CSNK1G3: variants seen among roughly 807,000 people sequenced by gnomAD.
The protein encoded by CSNK1G3 is casein kinase 1 gamma 3.
A neutral mutation model predicts 64.3 loss-of-function variants in CSNK1G3; 23 were observed. The observed-to-expected ratio is 0.36, with a 90% confidence interval of 0.26 to 0.51. CSNK1G3 has a LOEUF of 0.51. CSNK1G3 is among the 20% of genes least tolerant of loss of function. CSNK1G3 has a pLI of 0.96. For missense variants in CSNK1G3, 357 were observed against 510.5 expected, an observed-to-expected ratio of 0.70 and a Z score of 2.90; for synonymous variants, 158 against 162.2, an observed-to-expected ratio of 0.97 and a Z score of 0.20.
At chr5:123,610,430 T>C (rs975394838) in intron 12 of CSNK1G3, among the ~76,000 whole-genome samples, 6 of 152,074 alleles carry the variant, frequency 3.9e-5, no homozygotes, top group Non-Finnish European at 8.8e-5. Flanking sequence ...CAATGAGTCA[T>C]CTTAGAAGGG....
intron 10 of CSNK1G3, among the ~76,000 whole-genome samples, chr5:123,599,105 C>A (rs1793975180): frequency 6.6e-6 from 1 of 152,184 alleles, no homozygotes; most frequent in African/African-American, 2.4e-5. Flanking sequence ...ATGCTTTTCA[C>A]TGTAGCACAA....
At chr5:123,595,576 C>T (rs796522028) in intron 10 of CSNK1G3, among the ~76,000 whole-genome samples, 49 of 152,092 alleles carry the variant, frequency 3.2e-4, no homozygotes, top group African/African-American at 1.2e-3. Flanking sequence ...AATGTACTTT[C>T]TGATTAATTG....
At chr5:123,563,172 G>T (rs1786121636) in intron 4 of CSNK1G3, among the ~76,000 whole-genome samples, 1 of 151,896 alleles carries the variant, frequency 6.6e-6, no homozygotes, top group Non-Finnish European at 1.5e-5. Context: ...GGAAGTAAAT[G>T]ATCTTTTTCT....
chr5:123,549,165 G>A (rs1783163432), intron 2 of CSNK1G3, among the ~76,000 whole-genome samples: 1 of 152,206 alleles, frequency 6.6e-6, no homozygotes, highest in Admixed American at 6.6e-5. Flanking sequence ...TGTGTTGGTA[G>A]TAAGGTTTGC....
chr5:123,604,128 T>A (rs1002079135), intron 10 of CSNK1G3, among the ~76,000 whole-genome samples: 4 of 152,028 alleles, frequency 2.6e-5, no homozygotes, highest in Non-Finnish European at 4.4e-5. Context: ...ATTGATTAGA[T>A]ATGGGATATG....
At chr5:123,547,132 A>G (rs567135283) in intron 2 of CSNK1G3, among the ~76,000 whole-genome samples, 1 of 152,280 alleles carries the variant, frequency 6.6e-6, no homozygotes, top group South Asian at 2.1e-4. Context: ...TGTACCAGGC[A>G]TGATTAGACA....
intron 10 of CSNK1G3, among the ~76,000 whole-genome samples, chr5:123,602,929 C>T (rs1265455578): frequency 6.6e-6 from 1 of 152,028 alleles, no homozygotes; most frequent in African/African-American, 2.4e-5. Flanking sequence ...TCATATCAAC[C>T]TTGTTAATTA....
Position 123,597,406 on chromosome 5 carries a change from G to A in CSNK1G3, c.1086+5992G>A, listed in dbSNP as rs140260462. ...TGTCTGGTATTGAAATGTGACGCAG[G>A]TTTAGGATATCCAGAAACAGAATCA... On this transcript the variant is annotated intron_variant, in intron 10 of 12. Coordinates refer to ENST00000345990, the Ensembl canonical transcript of CSNK1G3. 5.8e-3 allele frequency among the ~76,000 whole-genome samples: 883 copies of A among 152,188 alleles called. 10 individuals are homozygous for A. Among genetic ancestry groups the A allele is most frequent in the South Asian group, 0.022 (107 of 4,816 alleles).
intron 3 of CSNK1G3, among the ~76,000 whole-genome samples, chr5:123,553,670 C>T (rs961253253): frequency 2.6e-5 from 4 of 152,134 alleles, no homozygotes; most frequent in African/African-American, 7.2e-5. Flanking sequence ...AGCAAACTCC[C>T]GTGGAATTAT....
intron 1 of CSNK1G3, among the ~76,000 whole-genome samples, chr5:123,527,428 CTTTCAGCTTGTTTCTATT>C (rs939991488): frequency 3.9e-5 from 6 of 152,134 alleles, no homozygotes; most frequent in Non-Finnish European, 7.4e-5. Context: ...AGTAGTAGTA[CTTTCAGCTTGTTTCTATT>C]TTTCAGCTTG....
At chr5:123,610,579 G>C (rs1282042729) in intron 12 of CSNK1G3, among the ~76,000 whole-genome samples, 3 of 152,156 alleles carry the variant, frequency 2.0e-5, no homozygotes, top group African/African-American at 7.2e-5. Flanking sequence ...AATAGCACAA[G>C]CCTGTATGTG....
intron 12 of CSNK1G3, among the ~76,000 whole-genome samples, chr5:123,608,093 CT>C (rs1301740685): frequency 6.6e-6 from 1 of 152,092 alleles, no homozygotes; most frequent in African/African-American, 2.4e-5. Flanking sequence ...TCATACCCAG[CT>C]CCTTTTCTAA....
chr5:123,539,806 AATAG>A (rs1212716484), intron 1 of CSNK1G3, among the ~76,000 whole-genome samples: 1 of 152,066 alleles, frequency 6.6e-6, no homozygotes, highest in Non-Finnish European at 1.5e-5. Context: ...ACTTTTTTTT[AATAG>A]ATTAAGTTTT....
chr5:123,595,251 T>A, intron 10 of CSNK1G3, 117 bp downstream of exon 11: 2 of 880,230 alleles, frequency 2.3e-6, no homozygotes, highest in Non-Finnish European at 3.5e-6. Flanking sequence ...TGAACTACTC[T>A]ATCCATAATT....
chr5:123,573,344 T>C lies in CSNK1G3; in HGVS notation c.290-49T>C, dbSNP rs1318108305. The C allele has an allele frequency of 1.9e-6, 3 of 1,563,386 alleles. No individual in the cohort carries two copies. The African/African-American group carries it at 4.1e-5, about 21-fold the overall frequency. On this transcript the variant is annotated intron_variant, in intron 4 of 12. Transcript: ENST00000345990. Reference sequence around the variant, plus strand: ...ATATCAGTTTTTAAGAGGAAAACCTTAGTATTTAAGATGATGAAATTATTA... The same window carrying C: ...ATATCAGTTTTTAAGAGGAAAACCTCAGTATTTAAGATGATGAAATTATTA...
intron 2 of CSNK1G3, chr5:123,552,871 GGCT>G: frequency 3.7e-6 from 1 of 271,748 alleles, no homozygotes; most frequent in Non-Finnish European, 7.1e-6. Context: ...TTTATAAGTG[GGCT>G]ACTAGTATCT....
chr5:123,608,759 T>G (rs761462555), intron 12 of CSNK1G3, among the ~76,000 whole-genome samples: 81 of 152,270 alleles, frequency 5.3e-4, no homozygotes, highest in Non-Finnish European at 9.0e-4. Flanking sequence ...TTTTCAAGGT[T>G]TCTGATTTTA....
At chr5:123,555,188 T>C (rs1010570372) in intron 3 of CSNK1G3, among the ~76,000 whole-genome samples, 1 of 152,230 alleles carries the variant, frequency 6.6e-6, no homozygotes, top group African/African-American at 2.4e-5. Flanking sequence ...GGTTATACAT[T>C]GTTCTTTGGG....
intron 2 of CSNK1G3, among the ~76,000 whole-genome samples, chr5:123,550,188 G>A (rs369969740): frequency 1.3e-5 from 2 of 152,200 alleles, no homozygotes; most frequent in South Asian, 4.1e-4. Flanking sequence ...ATATATAGTG[G>A]TTTCAAGCAA....
Sources: gnomAD v4.1 joint callset for allele counts (sites outside exome capture counted in the v4.1 genomes callset) on GRCh38, gnomAD v4.1.1 for gene constraint, MANE v1.5 for transcripts, NCBI Gene and HGNC (gene_info 2026-07-23, HGNC 2026-07-21) for gene names.